Variants in ELP1 observed in about 807,000 individuals in gnomAD.
ELP1 encodes the protein elongator complex protein 1.
ELP1 carries 131 observed loss-of-function variants against 183.2 expected under a neutral mutation model. The ratio of observed to expected loss-of-function variants is 0.72; its 90% CI spans 0.62 to 0.83. The LOEUF is 0.83. ELP1 is among the 40% of genes least tolerant of loss of function. The pLI is 0.00. For missense variants in ELP1, 1,550 were observed against 1,594.9 expected, an observed-to-expected ratio of 0.97 and a Z score of 0.48; for synonymous variants, 555 against 569.0, an observed-to-expected ratio of 0.98 and a Z score of 0.35.
intron 29 of ELP1, among the ~76,000 whole-genome samples, chr9:108,884,129 T>C (rs1038952467): frequency 6.6e-6 from 1 of 152,096 alleles, no homozygotes; most frequent in Non-Finnish European, 1.5e-5. Flanking sequence ...AAGAGAAAGC[T>C]GGAAGAATTA....
At chr9:108,896,861 G>C in intron 24 of ELP1, 92 bp downstream of exon 24, 1 of 1,228,876 alleles carries the variant, frequency 8.1e-7, no homozygotes. Context: ...TGTTAAATCT[G>C]TGGTGTGGCA....
In ELP1 at chr9:108,925,920, A is replaced by T. The variant is rs1490242428; in HGVS notation, c.466+603T>A. On this transcript the variant is annotated intron_variant, in intron 5 of 36. Transcript: ENST00000374647. ...GTAGAAGTTGTCTAAATGATTTCTC[A>T]GAGTTGATGGAGCAAGAAGGCAGGA... Among the ~76,000 whole-genome samples, 6 of 152,222 alleles carry T rather than the reference A, an allele frequency of 3.9e-5. 1 individual carries two copies. Among genetic ancestry groups the T allele is most frequent in the Middle Eastern group, 3.2e-3 (1 of 316 alleles).
At chr9:108,932,878 T>A (rs1391564390) in intron 1 of ELP1, among the ~76,000 whole-genome samples, 1 of 152,198 alleles carries the variant, frequency 6.6e-6, no homozygotes. Flanking sequence ...TCGCAGTTCT[T>A]AAATGTGCTA....
chr9:108,900,351 T>C lies in ELP1; in HGVS notation c.2039A>G (p.Asn680Ser), dbSNP rs1358262361. ...CAGAACTTCCCCATGGGACACATGA[T>C]TGCTGCTCAGGCCGGCCTGTAATGC... Reference protein sequence around the residue: ...FKTLQAGLSSNHVSHGEVLRK... With the variant: ...FKTLQAGLSSSHVSHGEVLRK... Residue 680 changes from asparagine (N) to serine (S), a missense_variant, in exon 19 of 37, where the codon AAT becomes AGT. By Grantham distance (46) the Asn-to-Ser change is conservative. Coordinates refer to ENST00000374647, the MANE Select transcript of ELP1 (RefSeq NM_003640.5). The C allele has an allele frequency of 1.2e-6, 2 of 1,614,180 alleles. No homozygotes were observed. Among genetic ancestry groups the C allele is most frequent in the Admixed American group, 1.7e-5 (1 of 60,030 alleles).
intron 6 of ELP1, among the ~76,000 whole-genome samples, chr9:108,921,834 T>G (rs1829659768): frequency 6.6e-6 from 1 of 152,242 alleles, no homozygotes; most frequent in African/African-American, 2.4e-5. Context: ...TTTAAAAAGT[T>G]TCAAAAATTA....
intron 18 of ELP1, among the ~76,000 whole-genome samples, chr9:108,901,031 T>C (rs961938222): frequency 6.6e-6 from 1 of 151,700 alleles, no homozygotes. Flanking sequence ...GCAGCCAATA[T>C]CCTACAAACC....
chr9:108,888,349 T>A (rs2131964475), intron 29 of ELP1, among the ~76,000 whole-genome samples: 1 of 152,326 alleles, frequency 6.6e-6, no homozygotes, highest in Non-Finnish European at 1.5e-5. Flanking sequence ...CAAACATATG[T>A]CCAAATGTAC....
chr9:108,878,649 A>T lies in ELP1; in HGVS notation c.3674T>A (p.Val1225Glu). 6.2e-7 allele frequency: 1 copy of T among 1,614,136 alleles called. No homozygotes were observed. Among genetic ancestry groups the T allele is most frequent in the Non-Finnish European group, 8.5e-7 (1 of 1,180,016 alleles). Reference sequence around the variant, plus strand: ...TTTCAGGTTTTCAGTGTTCTGCACCACTTCACTCAGTGCCTCCAGGAGGGC... The same window carrying T: ...TTTCAGGTTTTCAGTGTTCTGCACCTCTTCACTCAGTGCCTCCAGGAGGGC... The part of the protein sequence containing the change: ...DLALLEALSE[V>E]VQNTENLKDE... Residue 1225 changes from valine to glutamate, a missense_variant, in exon 34 of 37, where the codon GTG becomes GAG. Coordinates refer to ENST00000374647, the MANE Select transcript of ELP1 (RefSeq NM_003640.5).
At chr9:108,910,207 T>C (rs1251931017) in intron 12 of ELP1, among the ~76,000 whole-genome samples, 1 of 152,172 alleles carries the variant, frequency 6.6e-6, no homozygotes, top group Admixed American at 6.5e-5. Flanking sequence ...TGTAACAGCA[T>C]TTTACACACT....
Position 108,900,310 on chromosome 9 carries a change from C to A in ELP1, c.2080G>T (p.Gly694Cys). Residue 694 changes from glycine to cysteine, a missense_variant, in exon 19 of 37, where the codon GGT becomes TGT. Transcript: ENST00000374647. ...HGEVLRKVER[G>C]SRIVTVVPQD... is the part of the protein sequence containing the mutation. ...GGCACAACAGTGACAATCCGTGAAC[C>A]CCTCTCCACTTTCCGCAGAACTTCC... 6.2e-7 allele frequency: 1 copy of A among 1,614,042 alleles called. No homozygotes were observed. The highest frequency in any genetic ancestry group is 8.5e-7 in the Non-Finnish European group (1 of 1,179,990).
Position 108,926,684 on chromosome 9 carries a change from A to T in ELP1, c.386-81T>A, listed in dbSNP as rs145440921. Reference sequence around the variant, plus strand: ...CTAAGTACCTATGGCACTGTAAGCTAAGGAGCTGGAGTTAGTCTGAACAGA... The same window carrying T: ...CTAAGTACCTATGGCACTGTAAGCTTAGGAGCTGGAGTTAGTCTGAACAGA... On this transcript the variant is annotated intron_variant, in intron 4 of 36. Coordinates refer to ENST00000374647, the MANE Select transcript of ELP1 (RefSeq NM_003640.5). The T allele has an allele frequency of 1.1e-4, 109 of 975,058 alleles. No homozygotes were observed. The African/African-American group carries it at 1.5e-3, about 13-fold the overall frequency. 60.4% of individuals were successfully genotyped at this position (975,058 alleles called of 1,614,324 possible).
chr9:108,899,856 G>C lies in ELP1; in HGVS notation c.2170C>G (p.Leu724Val), dbSNP rs150005243. The C allele has an allele frequency of 1.9e-5, 30 of 1,613,948 alleles. No homozygotes were observed. The highest frequency in any genetic ancestry group is 2.5e-5 in the Non-Finnish European group (29 of 1,179,988). The change falls in exon 20 of 37, where the codon CTG becomes GTG. Residue 724 changes from leucine to valine, a missense_variant. Leu to Val is a conservative substitution (Grantham distance 32). Coordinates refer to ENST00000374647, the MANE Select transcript of ELP1 (RefSeq NM_003640.5). The stretch of plus-strand genomic sequence containing the variant: ...CACTTCCGAATCTGAGCTAAAACCA[G>C]GGCTCGATGATGAACAACTTCTAAG... ...GNLEVVHHRA[L>V]VLAQIRKWLD...
At chr9:108,923,128 G>A (rs1829712255) in intron 5 of ELP1, among the ~76,000 whole-genome samples, 3 of 152,338 alleles carry the variant, frequency 2.0e-5, no homozygotes, top group South Asian at 2.1e-4. Context: ...CCAACACTTT[G>A]GGAGGCTGAG....
Position 108,898,673 on chromosome 9 carries a change from T to C in ELP1, c.2281A>G (p.Lys761Glu), listed in dbSNP as rs1003255472. 1 of 1,611,634 alleles carries C rather than the reference T, an allele frequency of 6.2e-7. No individual in the cohort carries two copies. The highest frequency in any genetic ancestry group is 8.5e-7 in the Non-Finnish European group (1 of 1,178,000). Residue 761 changes from lysine to glutamate, a missense_variant and splice_region_variant, in exon 21 of 37, where the codon AAG (lysine) becomes GAG (glutamate). Physicochemically the swap from Lys to Glu is moderately conservative, Grantham distance 56. Coordinates refer to ENST00000374647, the MANE Select transcript of ELP1 (RefSeq NM_003640.5). ...NLNLIYDHNP[K>E]VFLGNVETFI... is the part of the protein sequence containing the mutation. ...TAAATGACAGCTTAGAAAGTTACCT[T>C]AGGGTTATGATCATAAATCAGATTG...
Position 108,927,462 on chromosome 9 carries a change from G to A in ELP1, c.304-9C>T, listed in dbSNP as rs538870297. ...CTCCCAACACACTCCAGCTGAGACAGAGAAAATTGAAAAGAGAGATTCAAA... is the reference window on the plus strand; with the variant it reads ...CTCCCAACACACTCCAGCTGAGACAAAGAAAATTGAAAAGAGAGATTCAAA... On this transcript the variant is annotated splice_polypyrimidine_tract_variant and intron_variant, in intron 3 of 36. Coordinates refer to ENST00000374647, the MANE Select transcript of ELP1 (RefSeq NM_003640.5). 11 of 1,608,866 alleles carry A rather than the reference G, an allele frequency of 6.8e-6. No individual in the cohort carries two copies. Among genetic ancestry groups the A allele is most frequent in the South Asian group, 2.2e-5 (2 of 90,954 alleles).
intron 3 of ELP1, among the ~76,000 whole-genome samples, chr9:108,927,801 A>G (rs1587924881): frequency 6.6e-6 from 1 of 152,336 alleles, no homozygotes; most frequent in East Asian, 1.9e-4. Context: ...GACAAACATC[A>G]CATGTTCTCA....
At chr9:108,933,195 C>T (rs1389449969) in intron 1 of ELP1, among the ~76,000 whole-genome samples, 6 of 152,210 alleles carry the variant, frequency 3.9e-5, no homozygotes, top group African/African-American at 9.7e-5. Flanking sequence ...AATGACAGTT[C>T]CCACTATTTG....
chr9:108,916,873 C>A (rs1294888743), intron 9 of ELP1, among the ~76,000 whole-genome samples: 1 of 152,104 alleles, frequency 6.6e-6, no homozygotes, highest in Non-Finnish European at 1.5e-5. Flanking sequence ...CACAGAGATA[C>A]CATTTGATGT....
chr9:108,872,321 T>C (rs150054709), intron 36 of ELP1, among the ~76,000 whole-genome samples: 264 of 152,320 alleles, frequency 1.7e-3, no homozygotes, highest in Non-Finnish European at 2.1e-3. Flanking sequence ...GTGCAGTACA[T>C]ACTACAGTTA....
Sources: gnomAD v4.1 joint callset for allele counts (sites outside exome capture counted in the v4.1 genomes callset) on GRCh38, gnomAD v4.1.1 for gene constraint, MANE v1.5 for transcripts, NCBI Gene and HGNC (gene_info 2026-07-23, HGNC 2026-07-21) for gene names.